Variants in LRRTM4 observed in about 807,000 individuals in gnomAD.
The protein encoded by LRRTM4 is leucine-rich repeat transmembrane neuronal protein 4.
A neutral mutation model predicts 47.6 loss-of-function variants in LRRTM4; 25 were observed. The ratio of observed to expected loss-of-function variants is 0.53; its 90% CI spans 0.38 to 0.73. The LOEUF is 0.73. Ranked by LOEUF, LRRTM4 falls within the 30% of genes least tolerant of loss-of-function variation. The pLI, the probability that LRRTM4 is intolerant of heterozygous loss-of-function variation, is 0.00. For missense variants in LRRTM4, 638 were observed against 713.4 expected (o/e 0.89, Z 1.20); for synonymous variants, 311 against 269.5 (o/e 1.15, Z -1.51).
Position 77,518,491 on chromosome 2 carries a change from G to C in LRRTM4, c.1378C>G (p.His460Asp). 1 of 1,613,440 alleles carries C rather than the reference G, an allele frequency of 6.2e-7. No individual in the cohort carries two copies. The highest frequency in any genetic ancestry group is 1.7e-5 in the Admixed American group (1 of 59,878). ...YPASMKQLQQ[H>D]SLMKRRRKKA... ...TTCCGCCGCCTCTTCATAAGAGAGT[G>C]TTGCTGGAGTTGTTTCATGCTGGCT... The change falls in exon 3 of 4, where the codon CAC becomes GAC. Residue 460 changes from histidine (H) to aspartate (D), a missense_variant. Transcript: ENST00000409884.
intron 3 of LRRTM4, among the ~76,000 whole-genome samples, chr2:77,098,059 G>A (rs375064462): frequency 1.6e-4 from 24 of 151,948 alleles, no homozygotes; most frequent in South Asian, 1.5e-3. Flanking sequence ...TAAATTTGAA[G>A]ACTCAGAAAG....
chr2:76,991,293 A>G (rs1304179573), intron 3 of LRRTM4, among the ~76,000 whole-genome samples: 1 of 151,830 alleles, frequency 6.6e-6, no homozygotes, highest in Non-Finnish European at 1.5e-5. Flanking sequence ...AATAACTACA[A>G]TGAGAGTGTA....
In LRRTM4 at chr2:77,403,885, T is replaced by TATATATATATATATATATA. The variant is rs893824593; in HGVS notation, c.1551+114432_1551+114433insTATATATATATATATATAT. Among the ~76,000 whole-genome samples the TATATATATATATATATATA allele has an allele frequency of 1.1e-4, 16 of 150,388 alleles. 1 individual carries two copies. Among genetic ancestry groups the TATATATATATATATATATA allele is most frequent in the African/African-American group, 2.7e-4 (11 of 40,080 alleles). On this transcript the variant is annotated intron_variant, in intron 3 of 3. Coordinates refer to ENST00000409884, the MANE Select transcript of LRRTM4 (RefSeq NM_001134745.3). Reference sequence around the variant, plus strand: ...TAAATGAGAAATATATATATATATATTTTAGGAAAGGCGATTTCATTGAGA... The same window carrying TATATATATATATATATATA: ...TAAATGAGAAATATATATATATATATATATATATATATATATATATTTAGGAAAGGCGATTTCATTGAGA...
chr2:77,097,913 C>T (rs1263158152), intron 3 of LRRTM4, among the ~76,000 whole-genome samples: 6 of 151,716 alleles, frequency 4.0e-5, no homozygotes, highest in African/African-American at 1.2e-4. Flanking sequence ...TTAAAATCTA[C>T]AAGCTCTGGA....
At chr2:76,905,962 C>G (rs948796611) in intron 3 of LRRTM4, among the ~76,000 whole-genome samples, 2 of 152,174 alleles carry the variant, frequency 1.3e-5, no homozygotes, top group African/African-American at 4.8e-5. Context: ...TCTAGCAAGG[C>G]AGGCCAACAT....
At chr2:76,845,248 T>G (rs1914509) in intron 3 of LRRTM4, among the ~76,000 whole-genome samples, 1 of 152,088 alleles carries the variant, frequency 6.6e-6, no homozygotes, top group Non-Finnish European at 1.5e-5. Flanking sequence ...TCCAACACTT[T>G]GGGAGGCTGA....
At chr2:77,173,749 C>T (rs1257384014) in intron 3 of LRRTM4, among the ~76,000 whole-genome samples, 1 of 152,070 alleles carries the variant, frequency 6.6e-6, no homozygotes, top group Non-Finnish European at 1.5e-5. Flanking sequence ...CTACAGGCAC[C>T]TTCTCACAGC....
At chr2:77,419,983 AC>A (rs1366688229) in intron 3 of LRRTM4, among the ~76,000 whole-genome samples, 1 of 152,176 alleles carries the variant, frequency 6.6e-6, no homozygotes, top group East Asian at 1.9e-4. Flanking sequence ...TCTGGGTGCA[AC>A]TTAACTGAGT....
chr2:76,770,426 T>C (rs1673646805), intron 3 of LRRTM4, among the ~76,000 whole-genome samples: 1 of 152,226 alleles, frequency 6.6e-6, no homozygotes, highest in Admixed American at 6.5e-5. Flanking sequence ...GAGGAACTGC[T>C]TTCTGGAGTA....
chr2:76,972,672 G>A (rs982481475), intron 3 of LRRTM4, among the ~76,000 whole-genome samples: 3 of 151,762 alleles, frequency 2.0e-5, no homozygotes, highest in Non-Finnish European at 2.9e-5. Context: ...TGCCCACCTC[G>A]GCCTCCCAAA....
intron 3 of LRRTM4, among the ~76,000 whole-genome samples, chr2:77,488,427 G>T (rs893760629): frequency 6.6e-6 from 1 of 152,178 alleles, no homozygotes; most frequent in Middle Eastern, 3.2e-3. Context: ...GCAGGCGTGA[G>T]ATCAGTGCCA....
At chr2:77,162,064 T>A (rs1362830945) in intron 3 of LRRTM4, among the ~76,000 whole-genome samples, 1 of 152,110 alleles carries the variant, frequency 6.6e-6, no homozygotes, top group East Asian at 1.9e-4. Flanking sequence ...GGAATTCCCT[T>A]TCCTAGACAA....
At chr2:76,969,600 G>A (rs1676150147) in intron 3 of LRRTM4, among the ~76,000 whole-genome samples, 1 of 151,672 alleles carries the variant, frequency 6.6e-6, no homozygotes, top group Non-Finnish European at 1.5e-5. Context: ...ACCAAGCTTT[G>A]CACTTTCCAT....
chr2:77,059,827 T>G (rs1421553277), intron 3 of LRRTM4, among the ~76,000 whole-genome samples: 1 of 152,230 alleles, frequency 6.6e-6, no homozygotes, highest in African/African-American at 2.4e-5. Flanking sequence ...ATATTTTTCT[T>G]GGCCTTGTGA....
chr2:77,142,430 TACACACACACACAC>T (rs71381264), intron 3 of LRRTM4, among the ~76,000 whole-genome samples: 6 of 145,368 alleles, frequency 4.1e-5, no homozygotes, highest in African/African-American at 1.5e-4. Flanking sequence ...CACACACACA[TACACACACACACAC>T]ACACACACAC....
At chr2:77,432,584 T>C (rs960606204) in intron 3 of LRRTM4, among the ~76,000 whole-genome samples, 1 of 152,242 alleles carries the variant, frequency 6.6e-6, no homozygotes, top group Admixed American at 6.5e-5. Flanking sequence ...ACATTCTCAC[T>C]ACTGAATTCT....
chr2:77,157,855 TG>T (rs1311480069), intron 3 of LRRTM4, among the ~76,000 whole-genome samples: 5 of 152,178 alleles, frequency 3.3e-5, no homozygotes. Context: ...AGCTATATTA[TG>T]AGCATGCCAT....
intron 3 of LRRTM4, among the ~76,000 whole-genome samples, chr2:77,411,521 C>T (rs1233337035): frequency 1.4e-5 from 2 of 139,786 alleles, no homozygotes; most frequent in Non-Finnish European, 1.5e-5. Flanking sequence ...GGCGTGATCT[C>T]GGCTCACTGC....
At chr2:77,280,445 C>A (rs993273499) in intron 3 of LRRTM4, among the ~76,000 whole-genome samples, 1 of 152,056 alleles carries the variant, frequency 6.6e-6, no homozygotes, top group South Asian at 2.1e-4. Flanking sequence ...AAGGAGCTAA[C>A]TTTAATGTTA....
Sources: allele counts gnomAD v4.1 joint callset (sites outside exome capture counted in the v4.1 genomes callset), GRCh38; gene constraint gnomAD v4.1.1; transcripts MANE v1.5; gene names NCBI Gene and HGNC (gene_info 2026-07-23, HGNC 2026-07-21).